The following MTUS2 variants were observed in gnomAD, a reference collection of about 807,000 sequenced individuals.
The protein encoded by MTUS2 is microtubule associated scaffold protein 2.
MTUS2 carries 40 observed loss-of-function variants against 114.1 expected under a neutral mutation model. That is an observed-to-expected ratio of 0.35 (90% confidence interval 0.27 to 0.46). MTUS2 has a LOEUF of 0.46. Ranked by LOEUF, MTUS2 falls within the 20% of genes least tolerant of loss-of-function variation. The probability of loss-of-function intolerance (pLI) is 1.00; values close to 1 mark genes in which losing one functional copy is unlikely to be tolerated. For missense variants in MTUS2, 1,679 were observed against 1,705.4 expected (o/e 0.98, Z 0.27); for synonymous variants, 688 against 672.0 (o/e 1.02, Z -0.37).
chr13:29,175,127 AT>A (rs1396802199), intron 5 of MTUS2, among the ~76,000 whole-genome samples: 1 of 152,292 alleles, frequency 6.6e-6, no homozygotes, highest in African/African-American at 2.4e-5. Flanking sequence ...GAAAATTTGC[AT>A]TTTTTATTAC....
In MTUS2 at chr13:29,389,713, ATATATACATACATATGTGTGTATATG is replaced by A. The variant is rs1566174006; in HGVS notation, c.3117+30312_3117+30337del. ...TATATATGTGTATATGTGTATATGT[ATATATACATACATATGTGTGTATATG>A]TATATACATACATATGTGTGTATAT... On this transcript the variant is annotated intron_variant, in intron 8 of 15. Transcript: ENST00000612955. Among the ~76,000 whole-genome samples the A allele has an allele frequency of 1.7e-4, 21 of 124,516 alleles. 1 individual carries two copies. The highest frequency in any genetic ancestry group is 6.4e-4 in the African/African-American group (20 of 31,066). The allele number at this position is 124,516 out of a possible 152,430, so 81.7% of individuals were successfully genotyped here. A position where few individuals can be genotyped will look rare whatever the true frequency, so the allele number is the denominator to read the frequency against.
intron 1 of MTUS2, among the ~76,000 whole-genome samples, chr13:28,821,776 G>A (rs1298320242): frequency 6.6e-6 from 1 of 152,204 alleles, no homozygotes; most frequent in African/African-American, 2.4e-5. Flanking sequence ...TGTTGCTACA[G>A]TGGTTTAAGG....
intron 2 of MTUS2, among the ~76,000 whole-genome samples, chr13:28,967,768 C>CT (rs539114001): frequency 5.8e-4 from 88 of 152,286 alleles, no homozygotes; most frequent in Non-Finnish European, 1.1e-3. Context: ...AAAAATTCAT[C>CT]ATCCCTGGAA....
intron 5 of MTUS2, among the ~76,000 whole-genome samples, chr13:29,143,519 A>T (rs914004016): frequency 1.3e-5 from 2 of 152,194 alleles, no homozygotes; most frequent in Non-Finnish European, 2.9e-5. Flanking sequence ...AAGTACTTTG[A>T]TCATCCAAAA....
intron 9 of MTUS2, among the ~76,000 whole-genome samples, chr13:29,443,979 C>G (rs967408570): frequency 5.3e-5 from 8 of 152,158 alleles, no homozygotes; most frequent in African/African-American, 1.9e-4. Context: ...ATTGCACATT[C>G]CAGAACAGGG....
chr13:29,477,386 T>C (rs1042978370), intron 9 of MTUS2, among the ~76,000 whole-genome samples: 2 of 152,194 alleles, frequency 1.3e-5, no homozygotes, highest in African/African-American at 2.4e-5. Context: ...GGTGGAATCC[T>C]GATTACTTTT....
intron 5 of MTUS2, among the ~76,000 whole-genome samples, chr13:29,201,328 C>T (rs1228886526): frequency 6.7e-6 from 1 of 148,994 alleles, no homozygotes; most frequent in Non-Finnish European, 1.5e-5. Flanking sequence ...GCTAGGAATG[C>T]AACCCCTGTT....
At chr13:29,402,949 A>T (rs1477192802) in intron 8 of MTUS2, among the ~76,000 whole-genome samples, 3 of 151,998 alleles carry the variant, frequency 2.0e-5, no homozygotes, top group African/African-American at 7.2e-5. Flanking sequence ...GTTGCCCAGG[A>T]TGGTCTCAAT....
intron 3 of MTUS2, among the ~76,000 whole-genome samples, chr13:29,029,969 C>T (rs11840020): frequency 6.6e-6 from 1 of 152,160 alleles, no homozygotes; most frequent in Non-Finnish European, 1.5e-5. Flanking sequence ...ACAGACAAGC[C>T]AACCATATCC....
intron 5 of MTUS2, among the ~76,000 whole-genome samples, chr13:29,206,973 A>T: frequency 6.6e-6 from 1 of 152,090 alleles, no homozygotes; most frequent in Admixed American, 6.6e-5. Context: ...TGGGAATTGC[A>T]TTAAATTTGT....
rs528518604 is a variant in MTUS2 at position 29,080,007 on chromosome 13, T to C, written c.2447-20766T>C. Among the ~76,000 whole-genome samples, 15 of 152,328 alleles carry C rather than the reference T, an allele frequency of 9.8e-5. No homozygotes were observed. In the South Asian group the frequency reaches 3.1e-3, roughly 32 times the overall value. ...GGGGAGTATTGCCATCTTAACAATA[T>C]TAAGACTTCCAATCCATGAACATGG... On this transcript the variant is annotated intron_variant, in intron 4 of 15. Transcript: ENST00000612955.
At chr13:29,278,323 A>G (rs1307982471) in intron 5 of MTUS2, among the ~76,000 whole-genome samples, 11 of 152,340 alleles carry the variant, frequency 7.2e-5, no homozygotes, top group Admixed American at 2.6e-4. Context: ...TAAAGGCACC[A>G]TAAGTGTGAA....
In MTUS2 at chr13:29,195,673, G is replaced by C. The variant is rs576353447; in HGVS notation, c.2645-86031G>C. Among the ~76,000 whole-genome samples the C allele has an allele frequency of 1.1e-4, 17 of 152,212 alleles. No individual in the cohort carries two copies. In the East Asian group the frequency reaches 2.7e-3, roughly 24 times the overall value. ...GACGCCCTGTGGAGGCCAAGGGAAG[G>C]GCGCCCCACCCAGCCTGGGCCAGTC... On this transcript the variant is annotated intron_variant, in intron 5 of 15. Transcript: ENST00000612955.
Position 28,911,122 on chromosome 13 carries a change from A to G in MTUS2, c.-243+71272A>G, listed in dbSNP as rs930957862. ...GATCTCCTGACCCCGTGATCTGCCC[A>G]CCTTGGCCTCCCAAAGTGCTGGGAT... On this transcript the variant is annotated intron_variant, in intron 2 of 15. Coordinates refer to ENST00000612955, the MANE Select transcript of MTUS2 (RefSeq NM_001033602.4). Among the ~76,000 whole-genome samples the G allele has an allele frequency of 1.7e-3, 230 of 139,072 alleles. 1 individual carries two copies. The highest frequency in any genetic ancestry group is 6.0e-3 in the African/African-American group (223 of 36,994). 91.2% of individuals were successfully genotyped at this position (139,072 alleles called of 152,430 possible). A position where few individuals can be genotyped will look rare whatever the true frequency, so the allele number is the denominator to read the frequency against.
chr13:29,367,930 T>C (rs1870860776), intron 8 of MTUS2, among the ~76,000 whole-genome samples: 1 of 141,454 alleles, frequency 7.1e-6, no homozygotes, highest in South Asian at 2.3e-4. Flanking sequence ...TTTTTCCTCC[T>C]AGAATCTACT....
intron 5 of MTUS2, among the ~76,000 whole-genome samples, chr13:29,221,154 T>C (rs752994248): frequency 1.7e-4 from 26 of 152,242 alleles, no homozygotes; most frequent in Non-Finnish European, 3.1e-4. Flanking sequence ...CTAGAACAGC[T>C]ATGAAACATC....
At chr13:29,260,629 A>G (rs1339841337) in intron 5 of MTUS2, among the ~76,000 whole-genome samples, 1 of 152,248 alleles carries the variant, frequency 6.6e-6, no homozygotes, top group African/African-American at 2.4e-5. Context: ...TTAACACTGA[A>G]CAACAAAATG....
chr13:29,079,662 C>T (rs1284343023), intron 4 of MTUS2, among the ~76,000 whole-genome samples: 2 of 152,112 alleles, frequency 1.3e-5, no homozygotes, highest in African/African-American at 4.8e-5. Context: ...CTTCTTTATC[C>T]AATGAATGGT....
intron 4 of MTUS2, among the ~76,000 whole-genome samples, chr13:29,094,114 C>T (rs1482849571): frequency 6.6e-6 from 1 of 151,982 alleles, no homozygotes; most frequent in Non-Finnish European, 1.5e-5. Flanking sequence ...TGCGCAGTAT[C>T]TTGGTGAGGA....
Sources: allele counts gnomAD v4.1 joint callset (sites outside exome capture counted in the v4.1 genomes callset), GRCh38; gene constraint gnomAD v4.1.1; transcripts MANE v1.5; gene names NCBI Gene and HGNC (gene_info 2026-07-23, HGNC 2026-07-21).